SAMMSON: variants seen among roughly 807,000 people sequenced by gnomAD.
SAMMSON encodes the protein survival associated mitochondrial melanoma specific oncogenic non-coding RNA.
At chr3:70,141,627 C>T (rs1036198243) in intron 4 of SAMMSON, among the ~76,000 whole-genome samples, 1 of 152,204 alleles carries the variant, frequency 6.6e-6, no homozygotes, top group East Asian at 1.9e-4. Context: ...TAACCAACTT[C>T]GGTAGTAAAA....
In SAMMSON at chr3:70,296,545, T is replaced by C. The variant is rs116110304; in HGVS notation, n.739+5302T>C. Among the ~76,000 whole-genome samples the C allele has an allele frequency of 2.8e-3, 428 of 152,302 alleles. 3 individuals are homozygous for C. The highest frequency in any genetic ancestry group is 9.4e-3 in the African/African-American group (391 of 41,558). On this transcript the variant is annotated intron_variant and non_coding_transcript_variant, in intron 7 of 9. Coordinates refer to ENST00000642114, the Ensembl canonical transcript of SAMMSON. ...CATTTGGTTACTTAATTCACATCAGTTGGAATCTACCCTACATTTCTCTCT... is the reference window on the plus strand; with the variant it reads ...CATTTGGTTACTTAATTCACATCAGCTGGAATCTACCCTACATTTCTCTCT...
chr3:70,257,946 C>T (rs1209431473), intron 6 of SAMMSON, among the ~76,000 whole-genome samples: 2 of 152,082 alleles, frequency 1.3e-5, no homozygotes, highest in East Asian at 1.9e-4. Flanking sequence ...ATCAATAAGA[C>T]TCAATGAAGA....
intron 7 of SAMMSON, among the ~76,000 whole-genome samples, chr3:70,295,503 G>A (rs1702281318): frequency 6.6e-6 from 1 of 151,970 alleles, no homozygotes; most frequent in East Asian, 1.9e-4. Flanking sequence ...AGGAGTTCGA[G>A]ACTGGCCTGG....
At chr3:70,105,354 G>A (rs967547297) in intron 4 of SAMMSON, among the ~76,000 whole-genome samples, 2 of 152,208 alleles carry the variant, frequency 1.3e-5, no homozygotes, top group African/African-American at 4.8e-5. Context: ...CAGAAATAAT[G>A]AGTGGGGAGA....
chr3:70,206,821 A>C, intron 4 of SAMMSON: 1 of 397,272 alleles, frequency 2.5e-6, no homozygotes, highest in East Asian at 3.6e-5. Context: ...CACATACAGA[A>C]ACCCACTATG....
intron 6 of SAMMSON, among the ~76,000 whole-genome samples, chr3:70,289,424 G>C (rs1435613223): frequency 1.6e-4 from 24 of 148,678 alleles, no homozygotes; most frequent in Middle Eastern, 3.5e-3. Flanking sequence ...TCTGCCGAGA[G>C]ATCCGCTGTT....
chr3:70,325,332 C>G (rs949737769), intron 7 of SAMMSON, among the ~76,000 whole-genome samples: 1 of 152,070 alleles, frequency 6.6e-6, no homozygotes, highest in Non-Finnish European at 1.5e-5. Flanking sequence ...TAAGTATGTA[C>G]GTGTATTTCA....
intron 4 of SAMMSON, among the ~76,000 whole-genome samples, chr3:70,201,951 G>A (rs1559533835): frequency 6.6e-6 from 1 of 152,156 alleles, no homozygotes; most frequent in African/African-American, 2.4e-5. Context: ...CTTTGCTTTG[G>A]GTGGTGTCTT....
At chr3:70,212,512 C>G (rs1288435398) in intron 4 of SAMMSON, among the ~76,000 whole-genome samples, 1 of 152,034 alleles carries the variant, frequency 6.6e-6, no homozygotes, top group Non-Finnish European at 1.5e-5. Flanking sequence ...TTTATTCTTC[C>G]TACTAAACAT....
intron 4 of SAMMSON, among the ~76,000 whole-genome samples, chr3:70,234,908 T>C: frequency 6.6e-6 from 1 of 152,198 alleles, no homozygotes; most frequent in East Asian, 1.9e-4. Context: ...CTTGGACATC[T>C]TCAGCCTGAA....
At chr3:70,341,379 C>G (rs1248963460) in intron 7 of SAMMSON, among the ~76,000 whole-genome samples, 1 of 151,954 alleles carries the variant, frequency 6.6e-6, no homozygotes, top group Non-Finnish European at 1.5e-5. Context: ...TTTTTTCCAC[C>G]AATCAAAACC....
intron 9 of SAMMSON, among the ~76,000 whole-genome samples, chr3:70,385,585 G>T (rs1437889601): frequency 6.6e-6 from 1 of 152,054 alleles, no homozygotes; most frequent in African/African-American, 2.4e-5. Flanking sequence ...GAGTTGTCAT[G>T]GTGTATAGCC....
intron 9 of SAMMSON, among the ~76,000 whole-genome samples, chr3:70,381,233 C>G (rs1703065555): frequency 6.6e-6 from 1 of 152,086 alleles, no homozygotes; most frequent in African/African-American, 2.4e-5. Flanking sequence ...CCTGCCTTTC[C>G]CCTGTGAGCT....
At chr3:70,323,866 G>T (rs757902212) in intron 7 of SAMMSON, among the ~76,000 whole-genome samples, 36 of 152,150 alleles carry the variant, frequency 2.4e-4, no homozygotes, top group Non-Finnish European at 3.8e-4. Flanking sequence ...GCTATCTTCA[G>T]GATGAAGGGC....
Position 70,325,940 on chromosome 3 carries a change from G to A in SAMMSON, n.740-28235G>A, listed in dbSNP as rs140870168. ...TCTCGGATGAACTGTGTTTCTTCAC[G>A]TATTTACAATCCAGTTGATTGTTAC... is the stretch of plus-strand genomic sequence containing the variant. On this transcript the variant is annotated intron_variant and non_coding_transcript_variant, in intron 7 of 9. Transcript: ENST00000642114. Among the ~76,000 whole-genome samples the A allele has an allele frequency of 3.4e-4, 51 of 152,168 alleles. 1 individual carries two copies. Among genetic ancestry groups the A allele is most frequent in the East Asian group, 3.1e-3 (16 of 5,168 alleles).
intron 4 of SAMMSON, among the ~76,000 whole-genome samples, chr3:70,130,113 G>A (rs1433061764): frequency 6.6e-6 from 1 of 152,162 alleles, no homozygotes; most frequent in South Asian, 2.1e-4. Context: ...TATGAATAGG[G>A]CTGTTCTTAG....
At position 70,407,053 on chromosome 3, in the gene SAMMSON, T is replaced by A. The variant is rs568140330; in HGVS notation, n.233+48729T>A. Among the ~76,000 whole-genome samples, 7 of 152,260 alleles carry A rather than the reference T, an allele frequency of 4.6e-5. No homozygotes were observed. The South Asian group carries it at 6.2e-4, about 14-fold the overall frequency. ...TGTTGGCAAGAGAAAATGAGGAAGA[T>A]GCAAAAGGGAAAACCCTGATATAAC... On this transcript the variant is annotated intron_variant and non_coding_transcript_variant, in intron 2 of 3. Coordinates refer to the SAMMSON transcript ENST00000641053.
chr3:70,011,727 A>G (rs1028386097), intron 1 of SAMMSON, among the ~76,000 whole-genome samples: 3 of 151,934 alleles, frequency 2.0e-5, no homozygotes, highest in African/African-American at 4.8e-5. Flanking sequence ...GCAAAATCCT[A>G]TAATGCCATT....
intron 2 of SAMMSON, among the ~76,000 whole-genome samples, chr3:70,426,642 G>A (rs148399754): frequency 1.0e-3 from 156 of 152,234 alleles, no homozygotes; most frequent in African/African-American, 3.6e-3. Flanking sequence ...TCCTCTTCCT[G>A]TAATAGCCTT....
Sources: gnomAD v4.1 joint callset for allele counts (sites outside exome capture counted in the v4.1 genomes callset) on GRCh38, gnomAD v4.1.1 for gene constraint, MANE v1.5 for transcripts, NCBI Gene and HGNC (gene_info 2026-07-23, HGNC 2026-07-21) for gene names.